Variants in HNMT observed in about 807,000 individuals in gnomAD.
HNMT encodes the protein histamine N-methyltransferase.
HNMT carries 30 observed loss-of-function variants against 32.1 expected under a neutral mutation model. That is an observed-to-expected ratio of 0.93 (90% CI 0.70 to 1.27). The LOEUF is 1.27. Among genes scored for constraint, HNMT ranks in the 50% most tolerant of loss-of-function variants. The pLI is 0.00. For missense variants in HNMT, 327 were observed against 346.0 expected (o/e 0.95, Z 0.43); for synonymous variants, 125 against 119.0 (o/e 1.05, Z -0.33).
At chr2:138,010,441 G>GCACACA (rs56391028) in intron 5 of HNMT, among the ~76,000 whole-genome samples, 3,338 of 125,618 alleles carry the variant, frequency 0.027, 47 homozygotes, top group East Asian at 0.05. Flanking sequence ...AAAGACACAC[G>GCACACA]CACACACACA....
At position 137,971,761 on chromosome 2, in the gene HNMT, A is replaced by G. The variant is rs146816676; in HGVS notation, c.190+1544A>G. ...CTTCTGCAAAAGTAAAATAAGTTTC[A>G]TCTCAAGACTTTTCCTAATATCAAC... On this transcript the variant is annotated intron_variant, in intron 2 of 5. Transcript: ENST00000280097. Among the ~76,000 whole-genome samples, 647 of 152,232 alleles carry G rather than the reference A, an allele frequency of 4.3e-3. 5 individuals carry two copies. Among genetic ancestry groups the G allele is most frequent in the African/African-American group, 0.014 (584 of 41,550 alleles).
chr2:137,967,304 G>C (rs1186464074), intron 1 of HNMT: 5 of 548,186 alleles, frequency 9.1e-6, no homozygotes, highest in Non-Finnish European at 1.6e-5. Flanking sequence ...TCCAGACGCT[G>C]AAGTGGGAAG....
chr2:138,004,197 T>C (rs780867204), intron 4 of HNMT, among the ~76,000 whole-genome samples: 93 of 152,102 alleles, frequency 6.1e-4, no homozygotes, highest in Non-Finnish European at 1.1e-3. Flanking sequence ...AGCCATCATA[T>C]TGATTCACTA....
Position 138,013,890 on chromosome 2 carries a change from T to C in HNMT, c.639T>C (p.Leu213=), listed in dbSNP as rs1157433505. ...DLTQMLDNLG[L]KYECYDLLST... ...CTCAGATGCTGGACAACCTAGGGCTTAAGTATGAGTGCTATGACCTTTTGT... is the reference window on the plus strand; with the variant it reads ...CTCAGATGCTGGACAACCTAGGGCTCAAGTATGAGTGCTATGACCTTTTGT... Residue 213 remains leucine (L), a synonymous_variant, in exon 6 of 6, where the codon CTT becomes CTC. Transcript: ENST00000280097. 3 of 1,613,644 alleles carry C rather than the reference T, an allele frequency of 1.9e-6. No individual in the cohort carries two copies. Among genetic ancestry groups the C allele is most frequent in the Non-Finnish European group, 2.5e-6 (3 of 1,179,778 alleles).
intron 2 of HNMT, among the ~76,000 whole-genome samples, chr2:137,997,081 C>G (rs1681020082): frequency 6.6e-6 from 1 of 152,136 alleles, no homozygotes; most frequent in Non-Finnish European, 1.5e-5. Context: ...TAGAAGACAA[C>G]CTAGGCAATA....
intron 2 of HNMT, 25 bp from the exon 3 acceptor site, chr2:138,000,893 C>A: frequency 7.8e-7 from 1 of 1,287,144 alleles, no homozygotes; most frequent in Non-Finnish European, 1.1e-6. Context: ...AATGATGTGA[C>A]CTGTCCCATA....
At chr2:138,012,060 T>A (rs1330106302) in intron 5 of HNMT, among the ~76,000 whole-genome samples, 14 of 152,120 alleles carry the variant, frequency 9.2e-5, no homozygotes, top group Non-Finnish European at 1.3e-4. Flanking sequence ...TTATTATAGA[T>A]TTCTGAATAG....
At position 137,964,588 on chromosome 2, in the gene HNMT, C is replaced by T. The variant is rs544224017; in HGVS notation, c.97C>T (p.Gln33Ter). The change falls in exon 1 of 6, where the codon CAG (glutamine) becomes TAG (stop). Residue 33 changes from glutamine to a stop codon, truncating the protein, a stop_gained. Coordinates refer to ENST00000280097, the MANE Select transcript of HNMT (RefSeq NM_006895.3). LOFTEE classifies it high-confidence loss of function. ...CCATTCCACGGAACACCAGTGCATG[C>T]AGGAATTCATGGACAAGAAGCTGCC... is the stretch of plus-strand genomic sequence containing the variant. ...LNHSTEHQCM[Q>*]EFMDKKLPGI... 1 of 1,613,678 alleles carries T rather than the reference C, an allele frequency of 6.2e-7. No individual in the cohort carries two copies. The highest frequency in any genetic ancestry group is 8.5e-7 in the Non-Finnish European group (1 of 1,179,682).
At position 138,002,128 on chromosome 2, in the gene HNMT, T is replaced by A; in HGVS notation, c.363T>A (p.Ser121=). 6.2e-7 allele frequency: 1 copy of A among 1,603,582 alleles called. No individual in the cohort carries two copies. Among genetic ancestry groups the A allele is most frequent in the Non-Finnish European group, 8.5e-7 (1 of 1,173,826 alleles). ...VKFAWHKETS[S]EYQSRMLEKK... is the part of the protein sequence containing the mutation. ...TTGCTTGGCATAAGGAGACATCATC[T>A]GAATACCAAAGTAGAATGTTGGAGA... Residue 121 remains serine, a synonymous_variant, in exon 4 of 6, where the codon TCT becomes TCA. Coordinates refer to ENST00000280097, the MANE Select transcript of HNMT (RefSeq NM_006895.3).
intron 2 of HNMT, among the ~76,000 whole-genome samples, chr2:137,983,362 C>T (rs1438717082): frequency 1.3e-5 from 2 of 152,072 alleles, no homozygotes; most frequent in Non-Finnish European, 2.9e-5. Flanking sequence ...ATTTATTGCA[C>T]TTAATGTGTT....
chr2:137,978,139 T>G (rs1366027826), intron 2 of HNMT, among the ~76,000 whole-genome samples: 1 of 152,002 alleles, frequency 6.6e-6, no homozygotes, highest in Non-Finnish European at 1.5e-5. Flanking sequence ...ATTCCCATTA[T>G]GGAAATTAAC....
At chr2:137,973,330 G>A (rs1680190358) in intron 2 of HNMT, among the ~76,000 whole-genome samples, 1 of 152,084 alleles carries the variant, frequency 6.6e-6, no homozygotes, top group Admixed American at 6.6e-5. Flanking sequence ...CTGACTACAA[G>A]CATCAGGCAG....
At chr2:137,985,202 TA>T (rs5834597) in intron 2 of HNMT, among the ~76,000 whole-genome samples, 34,174 of 135,132 alleles carry the variant, frequency 0.25, 3,879 homozygotes, top group Admixed American at 0.32. Flanking sequence ...GAACCGAAAC[TA>T]AAAAAAAAAA....
chr2:138,012,960 T>C (rs1573684573), intron 5 of HNMT, among the ~76,000 whole-genome samples: 1 of 152,190 alleles, frequency 6.6e-6, no homozygotes, highest in South Asian at 2.1e-4. Context: ...TCTGCCCTTA[T>C]GCGCCAGTAC....
chr2:137,970,944 AGAAAG>A lies in HNMT; in HGVS notation c.190+728_190+732del. Among the ~76,000 whole-genome samples, 8 of 27,072 alleles carry A rather than the reference AGAAAG, an allele frequency of 3.0e-4. 1 individual carries two copies. Among genetic ancestry groups the A allele is most frequent in the African/African-American group, 1.3e-3 (8 of 6,316 alleles). 17.8% of individuals were successfully genotyped at this position (27,072 alleles called of 152,430 possible). ...CAAAAAAAAAAAAAAAAAGAAAGAAAGAAAGAAAGAAAGAAAGAAAGAAAGAAAAA... is the reference window on the plus strand; with the variant it reads ...CAAAAAAAAAAAAAAAAAGAAAGAAAAAAGAAAGAAAGAAAGAAAGAAAAA... On this transcript the variant is annotated intron_variant, in intron 2 of 5. Transcript: ENST00000280097.
intron 1 of HNMT, among the ~76,000 whole-genome samples, chr2:137,967,833 G>T (rs1680005757): frequency 6.6e-6 from 1 of 152,008 alleles, no homozygotes; most frequent in Non-Finnish European, 1.5e-5. Flanking sequence ...ATCATTCCCA[G>T]ATGTAATACC....
chr2:137,981,217 T>G, intron 2 of HNMT: 1 of 1,613,478 alleles, frequency 6.2e-7, no homozygotes, highest in Non-Finnish European at 8.5e-7. Flanking sequence ...GACCTGCAGA[T>G]TGTCTCATTC....
chr2:137,966,724 T>C (rs960634489), intron 1 of HNMT, among the ~76,000 whole-genome samples: 3 of 151,380 alleles, frequency 2.0e-5, no homozygotes, highest in African/African-American at 7.3e-5. Context: ...TCAAGGAATC[T>C]GTTTATTTTA....
At chr2:137,967,450 G>T in intron 1 of HNMT, 2 of 242,136 alleles carry the variant, frequency 8.3e-6, no homozygotes, top group Non-Finnish European at 7.9e-6. Flanking sequence ...TCTCATCCTT[G>T]GCATGTGGAA....
Sources: gnomAD v4.1 joint callset for allele counts (sites outside exome capture counted in the v4.1 genomes callset) on GRCh38, gnomAD v4.1.1 for gene constraint, MANE v1.5 for transcripts, NCBI Gene and HGNC (gene_info 2026-07-23, HGNC 2026-07-21) for gene names.